HTT: variants seen among roughly 807,000 people sequenced by gnomAD.
HTT encodes the protein huntington disease protein.
HTT carries 104 observed loss-of-function variants against 362.3 expected under a neutral mutation model. The ratio of observed to expected loss-of-function variants is 0.29; its 90% CI spans 0.24 to 0.34. HTT has a LOEUF of 0.34. Among genes scored for constraint, HTT ranks in the 10% least tolerant of loss-of-function variants. The probability of loss-of-function intolerance (pLI) is 1.00; values close to 1 mark genes in which losing one functional copy is unlikely to be tolerated. For synonymous variants in HTT, 1,577 were observed against 1,548.7 expected (o/e 1.02, Z -0.43); for missense variants, 3,301 against 3,928.6 (o/e 0.84, Z 4.27).
At chr4:3,224,673 G>A (rs1419894990) in intron 56 of HTT, among the ~76,000 whole-genome samples, 2 of 152,212 alleles carry the variant, frequency 1.3e-5, no homozygotes, top group African/African-American at 4.8e-5. Context: ...GTGGGGATTT[G>A]GGATGCACGT....
At chr4:3,193,650 CA>C (rs1468795542) in intron 40 of HTT, among the ~76,000 whole-genome samples, 6 of 152,244 alleles carry the variant, frequency 3.9e-5, no homozygotes, top group Non-Finnish European at 7.3e-5. Context: ...CCAGCAGAGA[CA>C]GGATGTCTGC....
At position 3,218,978 on chromosome 4, in the gene HTT, G is replaced by C. The variant is rs1164808486; in HGVS notation, c.7242+1026G>C. On this transcript the variant is annotated intron_variant, in intron 52 of 66. Coordinates refer to ENST00000355072, the MANE Select transcript of HTT (RefSeq NM_001388492.1). The surrounding 1 kb of genome is among the most constrained non-coding windows in gnomAD (Gnocchi z 4.4). ...GTGTGTATGTATGCTGGAGAGTCTAGGGAGGCTTGCTCCAAGGACGCAGTA... is the reference window on the plus strand; with the variant it reads ...GTGTGTATGTATGCTGGAGAGTCTACGGAGGCTTGCTCCAAGGACGCAGTA... Among the ~76,000 whole-genome samples, 1 of 152,180 alleles carries C rather than the reference G, an allele frequency of 6.6e-6. No individual in the cohort carries two copies. The highest frequency in any genetic ancestry group is 1.5e-5 in the Non-Finnish European group (1 of 68,010).
Position 3,236,009 on chromosome 4 carries a change from G to A in HTT, c.8786-140G>A, listed in dbSNP as rs531555478. ...TCATCCCATGTGGCTGAGCTGGGCT[G>A]GGTCCTGGGCAAGCAAGGGGCTGAT... On this transcript the variant is annotated intron_variant, in intron 63 of 66. Coordinates refer to ENST00000355072, the MANE Select transcript of HTT (RefSeq NM_001388492.1). 5.7e-5 allele frequency: 43 copies of A among 750,786 alleles called. 1 individual carries two copies. Among genetic ancestry groups the A allele is most frequent in the Non-Finnish European group, 8.9e-5 (38 of 429,018 alleles). 46.5% of individuals were successfully genotyped at this position (750,786 alleles called of 1,614,324 possible). A position where few individuals can be genotyped will look rare whatever the true frequency, so the allele number is the denominator to read the frequency against.
intron 54 of HTT, 21 bp downstream of exon 54, chr4:3,222,508 G>C (rs766099090): frequency 4.4e-6 from 7 of 1,590,092 alleles, no homozygotes; most frequent in Non-Finnish European, 6.0e-6. Flanking sequence ...ACCCTGTGCT[G>C]GTTGGCACAT....
At chr4:3,162,706 T>G (rs772417722) in intron 29 of HTT, among the ~76,000 whole-genome samples, 2 of 152,252 alleles carry the variant, frequency 1.3e-5, no homozygotes, top group African/African-American at 2.4e-5. Context: ...GGGAGTTCAC[T>G]CATGATTTGG....
At chr4:3,224,179 T>A in intron 56 of HTT, 48 bp downstream of exon 56, 2 of 1,601,616 alleles carry the variant, frequency 1.2e-6, no homozygotes, top group African/African-American at 1.3e-5. Context: ...TGGGCTAGAA[T>A]GAGAGAAGAC....
intron 39 of HTT, 136 bp downstream of exon 39, chr4:3,188,022 A>G (rs1360477041): frequency 1.6e-6 from 1 of 618,634 alleles, no homozygotes; most frequent in East Asian, 2.7e-5. Flanking sequence ...TATCAGTGTA[A>G]TTTTCTAATC....
At chr4:3,118,528 A>C (rs1715139199) in intron 8 of HTT, among the ~76,000 whole-genome samples, 1 of 152,180 alleles carries the variant, frequency 6.6e-6, no homozygotes, top group African/African-American at 2.4e-5. Flanking sequence ...CCCAGGAGTG[A>C]AAGGGTGAGA....
At position 3,111,608 on chromosome 4, in the gene HTT, G is replaced by A. The variant is rs145927997; in HGVS notation, c.748-3696G>A. ...GCTTGGCTATGTTTATCCTGCAACC[G>A]GGGACTGGAAGGGAGGGGACTGACA... On this transcript the variant is annotated intron_variant, in intron 6 of 66. Transcript: ENST00000355072. Among the ~76,000 whole-genome samples, 20 of 152,302 alleles carry A rather than the reference G, an allele frequency of 1.3e-4. No homozygotes were observed. In the East Asian group the frequency reaches 2.3e-3, roughly 18 times the overall value.
At chr4:3,166,234 C>G (rs565659859) in intron 29 of HTT, among the ~76,000 whole-genome samples, 4 of 152,328 alleles carry the variant, frequency 2.6e-5, no homozygotes, top group African/African-American at 4.8e-5. Flanking sequence ...CTGGGCATCA[C>G]CAGCAGAGGC....
At chr4:3,220,722 A>G (rs886756009) in intron 53 of HTT, among the ~76,000 whole-genome samples, 3 of 151,990 alleles carry the variant, frequency 2.0e-5, no homozygotes, top group African/African-American at 4.8e-5. Context: ...AGCAGACGGG[A>G]GCAGATGGAG....
intron 66 of HTT, 124 bp downstream of exon 66, chr4:3,239,102 C>A: frequency 9.8e-7 from 1 of 1,020,936 alleles, no homozygotes; most frequent in Non-Finnish European, 1.4e-6. Flanking sequence ...GTGACAGGCC[C>A]TCAGCCCCAG....
intron 4 of HTT, 97 bp downstream of exon 4, chr4:3,103,980 G>T: frequency 1.4e-6 from 1 of 720,086 alleles, no homozygotes; most frequent in Admixed American, 2.3e-5. Flanking sequence ...TATTTATGGG[G>T]TACATGAGAT....
At chr4:3,204,683 A>G (rs926021460) in intron 42 of HTT, among the ~76,000 whole-genome samples, 4 of 152,122 alleles carry the variant, frequency 2.6e-5, no homozygotes, top group African/African-American at 9.7e-5. Context: ...AAAATAAAAA[A>G]TTATCCAAGT....
At chr4:3,171,730 A>C (rs1717984673) in intron 29 of HTT, among the ~76,000 whole-genome samples, 1 of 152,072 alleles carries the variant, frequency 6.6e-6, no homozygotes, top group Non-Finnish European at 1.5e-5. Context: ...ACCTGCCTCG[A>C]TCTCCCAAAA....
intron 35 of HTT, among the ~76,000 whole-genome samples, chr4:3,180,245 C>T (rs1718449032): frequency 6.6e-6 from 1 of 152,100 alleles, no homozygotes; most frequent in Non-Finnish European, 1.5e-5. Context: ...GAATTTGAGT[C>T]ACCTTTTTTC....
chr4:3,188,991 G>A lies in HTT; in HGVS notation c.5266G>A (p.Val1756Ile). The change falls in exon 40 of 67, where the codon GTT (valine) becomes ATT (isoleucine). Residue 1756 changes from valine (V) to isoleucine (I), a missense_variant. Physicochemically the swap from Val to Ile is conservative, Grantham distance 29. Around this residue, in one of 4 missense-constraint regions of HTT, gnomAD observed 2,316 missense variants for 2,658.5 expected, o/e 0.87. Transcript: ENST00000355072. ...GGTTGGTATTCTTTTAGAAGACATT[G>A]TTACAAAACAGCTGAAGGTGGAAAT... ...QLVGILLEDI[V>I]TKQLKVEMSE... The A allele has an allele frequency of 6.2e-7, 1 of 1,614,094 alleles. No homozygotes were observed. Among genetic ancestry groups the A allele is most frequent in the Non-Finnish European group, 8.5e-7 (1 of 1,179,974 alleles).
In HTT at chr4:3,136,221, TA is replaced by T; in HGVS notation, c.2698-2del. 1.3e-6 allele frequency: 2 copies of T among 1,582,688 alleles called. No individual in the cohort carries two copies. The highest frequency in any genetic ancestry group is 1.7e-6 in the Non-Finnish European group (2 of 1,152,942). On this transcript the variant is annotated splice_polypyrimidine_tract_variant and splice_region_variant and intron_variant, in intron 20 of 66. Coordinates refer to ENST00000355072, the MANE Select transcript of HTT (RefSeq NM_001388492.1). ...TGTTTATTTTTATTATCCTTCTCTC[TA>T]AAGCTTTTAAAACTGCAAGAACGAG... is the stretch of plus-strand genomic sequence containing the variant.
chr4:3,074,948 G>GCCA lies in HTT; in HGVS notation c.125_126insACC (p.Pro49dup). The GCCA allele has an allele frequency of 7.1e-7, 1 of 1,400,606 alleles. No homozygotes were observed. Among genetic ancestry groups the GCCA allele is most frequent in the African/African-American group, 1.6e-5 (1 of 62,806 alleles). 86.8% of individuals were successfully genotyped at this position (1,400,606 alleles called of 1,614,324 possible). ...AGCAGCAGCAGCAACAGCCGCCACC[G>GCCA]CCGCCGCCGCCGCCGCCGCCTCCTC... On this transcript the variant is annotated inframe_insertion, in exon 1 of 67. Coordinates refer to ENST00000355072, the MANE Select transcript of HTT (RefSeq NM_001388492.1).
Sources: allele counts gnomAD v4.1 joint callset (sites outside exome capture counted in the v4.1 genomes callset), GRCh38; gene constraint gnomAD v4.1.1; regional missense constraint gnomAD v4.1.1; non-coding constraint Gnocchi (gnomAD v3.1); transcripts MANE v1.5; gene names NCBI Gene and HGNC (gene_info 2026-07-23, HGNC 2026-07-21).